The following CLDN1 variants were observed in gnomAD, a reference collection of about 807,000 sequenced individuals.
The protein encoded by CLDN1 is claudin-1.
In CLDN1, 12 loss-of-function variants were observed where a neutral mutation model predicts 22.6. The ratio of observed to expected loss-of-function variants is 0.53; its 90% CI spans 0.34 to 0.86. CLDN1 has a LOEUF of 0.86. CLDN1 is among the 40% of genes least tolerant of loss of function. CLDN1 has a pLI of 0.02. For missense variants in CLDN1, 250 were observed against 269.5 expected, an observed-to-expected ratio of 0.93 and a Z score of 0.51; for synonymous variants, 99 against 103.8, an observed-to-expected ratio of 0.95 and a Z score of 0.28.
At chr3:190,313,702 A>G (rs1385627420) in intron 1 of CLDN1, among the ~76,000 whole-genome samples, 2 of 149,488 alleles carry the variant, frequency 1.3e-5, no homozygotes, top group Non-Finnish European at 2.9e-5. Flanking sequence ...ATTCAAAGAC[A>G]TCACTAGTTT....
In CLDN1 at chr3:190,322,403, G is replaced by A. The variant is rs1716953720; in HGVS notation, c.-197C>T. 4 of 612,296 alleles carry A rather than the reference G, an allele frequency of 6.5e-6. No homozygotes were observed. The highest frequency in any genetic ancestry group is 8.7e-6 in the Non-Finnish European group (3 of 344,028). 37.9% of individuals were successfully genotyped at this position (612,296 alleles called of 1,614,324 possible). On this transcript the variant is annotated 5_prime_UTR_variant, in exon 1 of 4. Transcript: ENST00000295522. ...CGCGCCCGGGGCGGCGCTGGAGTCTGGATACTAGAAGCTGCGGTTGCTCCC... is the reference window on the plus strand; with the variant it reads ...CGCGCCCGGGGCGGCGCTGGAGTCTAGATACTAGAAGCTGCGGTTGCTCCC...
rs569479829 is a variant in CLDN1 at position 190,308,219 on chromosome 3, G to A, written c.*58C>T. The A allele has an allele frequency of 6.3e-7, 1 of 1,581,782 alleles. No homozygotes were observed. The highest frequency in any genetic ancestry group is 1.1e-5 in the South Asian group (1 of 90,222). ...TTCTAAGGTCCTAATGTTAATGATA[G>A]TATCTCAATGTCCATTTTCGGTTTG... On this transcript the variant is annotated 3_prime_UTR_variant, in exon 4 of 4. Transcript: ENST00000295522.
chr3:190,316,101 A>G (rs1008583672), intron 1 of CLDN1, among the ~76,000 whole-genome samples: 7 of 152,232 alleles, frequency 4.6e-5, no homozygotes, highest in Non-Finnish European at 7.3e-5. Flanking sequence ...ATGATTGCTA[A>G]GAAACCTATC....
At chr3:190,319,589 T>G (rs1380980787) in intron 1 of CLDN1, among the ~76,000 whole-genome samples, 2 of 152,146 alleles carry the variant, frequency 1.3e-5, no homozygotes, top group Non-Finnish European at 2.9e-5. Flanking sequence ...TTTTAATACT[T>G]CCCGTGCTAA....
chr3:190,305,782 G>A lies in CLDN1; in HGVS notation c.*2495C>T, dbSNP rs1262239720. ...AATTCCTATTATAAAACCCCAAAATGTCTATTGGTCTGTTTCCAGGTGTGG... is the reference window on the plus strand; with the variant it reads ...AATTCCTATTATAAAACCCCAAAATATCTATTGGTCTGTTTCCAGGTGTGG... On this transcript the variant is annotated 3_prime_UTR_variant, in exon 4 of 4. Coordinates refer to ENST00000295522, the MANE Select transcript of CLDN1 (RefSeq NM_021101.5). 6.6e-6 allele frequency: 1 copy of A among 152,122 alleles called. No homozygotes were observed. Among genetic ancestry groups the A allele is most frequent in the Non-Finnish European group, 1.5e-5 (1 of 68,024 alleles). 9.4% of individuals were successfully genotyped at this position (152,122 alleles called of 1,614,324 possible). A position where few individuals can be genotyped will look rare whatever the true frequency, so the allele number is the denominator to read the frequency against.
At chr3:190,318,590 A>G (rs898392392) in intron 1 of CLDN1, among the ~76,000 whole-genome samples, 5 of 152,224 alleles carry the variant, frequency 3.3e-5, no homozygotes, top group Non-Finnish European at 5.9e-5. Flanking sequence ...TCACCATTAT[A>G]CACTTGGCTA....
At chr3:190,313,364 G>T in intron 1 of CLDN1, 1 of 316,326 alleles carries the variant, frequency 3.2e-6, no homozygotes, top group Non-Finnish European at 6.0e-6. Context: ...TTTTTACTAA[G>T]GGATTTTCAT....
chr3:190,308,115 CA>C lies in CLDN1; in HGVS notation c.*161del. The stretch of plus-strand genomic sequence containing the variant: ...TAAAATAAGATTAAGCCATGTTTAG[CA>C]CTGAGTATTTTAACACATGGGTTTT... On this transcript the variant is annotated 3_prime_UTR_variant, in exon 4 of 4. Coordinates refer to ENST00000295522, the MANE Select transcript of CLDN1 (RefSeq NM_021101.5). 2.5e-6 allele frequency: 2 copies of C among 800,650 alleles called. No homozygotes were observed. The highest frequency in any genetic ancestry group is 4.2e-6 in the Non-Finnish European group (2 of 480,082). 49.6% of individuals were successfully genotyped at this position (800,650 alleles called of 1,614,324 possible). A position where few individuals can be genotyped will look rare whatever the true frequency, so the allele number is the denominator to read the frequency against.
At chr3:190,310,396 G>A in intron 2 of CLDN1, 143 bp from the exon 3 acceptor site, 1 of 637,136 alleles carries the variant, frequency 1.6e-6, no homozygotes, top group East Asian at 2.8e-5. Context: ...AGGGAGATTA[G>A]AAGTCCAGAT....
At chr3:190,313,843 G>C (rs1192506224) in intron 1 of CLDN1, among the ~76,000 whole-genome samples, 1 of 152,094 alleles carries the variant, frequency 6.6e-6, no homozygotes, top group Non-Finnish European at 1.5e-5. Context: ...CAAATAAACA[G>C]GGTCAAGTTT....
intron 2 of CLDN1, 58 bp from the exon 3 acceptor site, chr3:190,310,311 A>G: frequency 1.5e-6 from 2 of 1,346,308 alleles, no homozygotes; most frequent in Admixed American, 1.7e-5. Context: ...GCCTAAATAC[A>G]CAACCTGTTA....
chr3:190,316,760 T>C (rs1420759980), intron 1 of CLDN1, among the ~76,000 whole-genome samples: 1 of 152,206 alleles, frequency 6.6e-6, no homozygotes, highest in African/African-American at 2.4e-5. Flanking sequence ...AATTAGAACA[T>C]GTCTTTATCC....
intron 1 of CLDN1, among the ~76,000 whole-genome samples, chr3:190,316,208 A>T (rs917508701): frequency 9.2e-5 from 14 of 152,348 alleles, no homozygotes; most frequent in African/African-American, 3.4e-4. Context: ...TGCATAAACC[A>T]TAGAAATGAG....
chr3:190,312,211 G>A (rs918171778), intron 2 of CLDN1, among the ~76,000 whole-genome samples: 3 of 151,824 alleles, frequency 2.0e-5, no homozygotes, highest in Non-Finnish European at 2.9e-5. Flanking sequence ...GATTACAGGC[G>A]TGAACCACCA....
intron 2 of CLDN1, among the ~76,000 whole-genome samples, chr3:190,311,769 G>A (rs1281076806): frequency 2.6e-5 from 4 of 151,000 alleles, no homozygotes; most frequent in Non-Finnish European, 5.9e-5. Flanking sequence ...TACACACAGA[G>A]AGATTGCATA....
intron 3 of CLDN1, 49 bp downstream of exon 3, chr3:190,310,120 A>G (rs1402731801): frequency 1.3e-6 from 2 of 1,490,450 alleles, no homozygotes; most frequent in Non-Finnish European, 1.9e-6. Flanking sequence ...AGAATATAAA[A>G]AGGGCATTTT....
rs192658236 is a variant in CLDN1 at position 190,321,482 on chromosome 3, A to G, written c.223+502T>C. 2.8e-4 allele frequency among the ~76,000 whole-genome samples: 43 copies of G among 152,364 alleles called. No individual in the cohort carries two copies. In the East Asian group the frequency reaches 5.8e-3, roughly 20 times the overall value. On this transcript the variant is annotated intron_variant, in intron 1 of 3. Transcript: ENST00000295522. ...ACTTAGATAGGACATTTCCAGTAGGAATGTAACTTTTACTATGAAAAAATC... is the reference window on the plus strand; with the variant it reads ...ACTTAGATAGGACATTTCCAGTAGGGATGTAACTTTTACTATGAAAAAATC...
intron 2 of CLDN1, among the ~76,000 whole-genome samples, chr3:190,310,470 A>T (rs1045359990): frequency 6.6e-6 from 1 of 152,212 alleles, no homozygotes; most frequent in East Asian, 1.9e-4. Flanking sequence ...GACAAAATTT[A>T]TACTTTTTTA....
At chr3:190,315,988 A>T (rs1180675207) in intron 1 of CLDN1, among the ~76,000 whole-genome samples, 1 of 152,196 alleles carries the variant, frequency 6.6e-6, no homozygotes. Context: ...GTTTTTGCCC[A>T]TTAAGTTCTC....
Sources: gnomAD v4.1 joint callset for allele counts (sites outside exome capture counted in the v4.1 genomes callset) on GRCh38, gnomAD v4.1.1 for gene constraint, MANE v1.5 for transcripts, NCBI Gene and HGNC (gene_info 2026-07-23, HGNC 2026-07-21) for gene names.